The following ZBTB8B variants were observed in gnomAD, a reference collection of about 807,000 sequenced individuals.
ZBTB8B encodes the protein zinc finger and BTB domain containing 8B, also known as zinc finger and BTB domain-containing protein 8B.
ZBTB8B carries 17 observed loss-of-function variants against 30.3 expected under a neutral mutation model. That is an observed-to-expected ratio of 0.56 (90% CI 0.38 to 0.84). ZBTB8B has a LOEUF of 0.84. Ranked by LOEUF, ZBTB8B falls within the 40% of genes least tolerant of loss-of-function variation. The pLI, the probability that ZBTB8B is intolerant of heterozygous loss-of-function variation, is 0.00. For synonymous variants in ZBTB8B, 248 were observed against 255.6 expected (o/e 0.97, Z 0.28); for missense variants, 515 against 644.9 (o/e 0.80, Z 2.18).
chr1:32,482,195 T>C (rs1472685810), intron 3 of ZBTB8B, among the ~76,000 whole-genome samples: 1 of 151,984 alleles, frequency 6.6e-6, no homozygotes, highest in Non-Finnish European at 1.5e-5. Context: ...GACAGGGTTT[T>C]TCCAGGTTGC....
chr1:32,491,783 A>G lies in ZBTB8B; in HGVS notation c.*6365A>G, dbSNP rs866855718. The stretch of plus-strand genomic sequence containing the variant: ...AGATGCAGTTTACCAATTGGGCATC[A>G]TGTCTACCATATGTAACATTGCCTA... On this transcript the variant is annotated 3_prime_UTR_variant, in exon 4 of 4. Transcript: ENST00000609129. The G allele has an allele frequency of 2.0e-5, 3 of 152,344 alleles. No individual in the cohort carries two copies. Among genetic ancestry groups the G allele is most frequent in the Middle Eastern group, 3.4e-3 (1 of 294 alleles). The allele number at this position is 152,344 out of a possible 1,614,324, so 9.4% of individuals were successfully genotyped here.
chr1:32,477,870 A>G (rs896918135), intron 2 of ZBTB8B, among the ~76,000 whole-genome samples: 33 of 152,070 alleles, frequency 2.2e-4, no homozygotes, highest in African/African-American at 6.3e-4. Context: ...CAGCCTGACC[A>G]ACATGGTGAA....
chr1:32,469,027 CA>C (rs1189225776), intron 1 of ZBTB8B, among the ~76,000 whole-genome samples: 6 of 151,096 alleles, frequency 4.0e-5, no homozygotes, highest in African/African-American at 9.7e-5. Context: ...GCCATCTCTA[CA>C]AAAAAAAATT....
rs12049448 is a variant in ZBTB8B at position 32,483,416 on chromosome 1, C to G, written c.1171-1685C>G. Among the ~76,000 whole-genome samples the G allele has an allele frequency of 3.2e-3, 485 of 151,586 alleles. 6 individuals carry two copies. The East Asian group carries it at 0.044, about 14-fold the overall frequency. On this transcript the variant is annotated intron_variant, in intron 3 of 3. Coordinates refer to ENST00000609129, the MANE Select transcript of ZBTB8B (RefSeq NM_001145720.2). Reference sequence around the variant, plus strand: ...CTCCAGCTTGGGCAACAGAGCAAGACGGCGTCTCAAAAAAAACAAAACAAA... The same window carrying G: ...CTCCAGCTTGGGCAACAGAGCAAGAGGGCGTCTCAAAAAAAACAAAACAAA...
At position 32,468,642 on chromosome 1, in the gene ZBTB8B, G is replaced by C. The variant is rs114234884; in HGVS notation, c.-41-1942G>C. ...ATACTTCAGTATAATGATGATAAAG[G>C]GAGACCAGTCTTGTTCGTGACCAGC... is the stretch of plus-strand genomic sequence containing the variant. On this transcript the variant is annotated intron_variant, in intron 1 of 3. Transcript: ENST00000609129. Among the ~76,000 whole-genome samples the C allele has an allele frequency of 7.1e-3, 1,074 of 152,116 alleles. 14 individuals carry two copies. Among genetic ancestry groups the C allele is most frequent in the African/African-American group, 0.025 (1,040 of 41,500 alleles).
intron 2 of ZBTB8B, among the ~76,000 whole-genome samples, chr1:32,480,549 A>G (rs75947666): frequency 0.01 from 1,546 of 152,250 alleles, 28 homozygotes; most frequent in African/African-American, 0.035. Context: ...CAGGGTGAGT[A>G]TTGTTTTGGG....
At chr1:32,473,161 C>A (rs1643636667) in intron 2 of ZBTB8B, among the ~76,000 whole-genome samples, 1 of 152,214 alleles carries the variant, frequency 6.6e-6, no homozygotes, top group South Asian at 2.1e-4. Context: ...TAAGCCAAGG[C>A]TGGGCGCGGC....
intron 3 of ZBTB8B, among the ~76,000 whole-genome samples, chr1:32,483,885 C>T: frequency 6.6e-6 from 1 of 150,578 alleles, no homozygotes; most frequent in East Asian, 2.0e-4. Flanking sequence ...GGCAACATAG[C>T]AAGATAGCAA....
In ZBTB8B at chr1:32,491,590, C is replaced by T. The variant is rs1039907629; in HGVS notation, c.*6172C>T. ...CTACATGGGGCAAGTATGGAAGCTT[C>T]CCCGGCTTAAGAGCCCCTTGTCCCA... On this transcript the variant is annotated 3_prime_UTR_variant, in exon 4 of 4. Coordinates refer to ENST00000609129, the MANE Select transcript of ZBTB8B (RefSeq NM_001145720.2). 6.6e-6 allele frequency: 1 copy of T among 152,204 alleles called. No homozygotes were observed. Among genetic ancestry groups the T allele is most frequent in the East Asian group, 1.9e-4 (1 of 5,204 alleles). 9.4% of individuals were successfully genotyped at this position (152,204 alleles called of 1,614,324 possible).
intron 2 of ZBTB8B, among the ~76,000 whole-genome samples, chr1:32,473,179 G>A (rs973040049): frequency 3.3e-5 from 5 of 152,148 alleles, no homozygotes; most frequent in African/African-American, 7.2e-5. Context: ...GGCGGCACGC[G>A]CCTGTAATCC....
intron 2 of ZBTB8B, among the ~76,000 whole-genome samples, chr1:32,471,901 TATC>T (rs1474084490): frequency 6.7e-6 from 1 of 150,058 alleles, no homozygotes; most frequent in African/African-American, 2.5e-5. Context: ...TCATCATCAC[TATC>T]ATCATCACCA....
intron 3 of ZBTB8B, among the ~76,000 whole-genome samples, chr1:32,482,466 A>G (rs532831594): frequency 5.9e-5 from 9 of 151,958 alleles, no homozygotes; most frequent in East Asian, 5.8e-4. Flanking sequence ...AGATCAAGAG[A>G]TGGAGACCAT....
chr1:32,485,363 C>G lies in ZBTB8B; in HGVS notation c.1433C>G (p.Ser478Cys), dbSNP rs1043273409. ...GEENDPAGDD[S>C]DDKPQIQPNL... Reference sequence around the variant, plus strand: ...GAAAATGACCCTGCTGGAGATGATTCTGATGACAAACCACAAATTCAGCCT... The same window carrying G: ...GAAAATGACCCTGCTGGAGATGATTGTGATGACAAACCACAAATTCAGCCT... The change falls in exon 4 of 4, where the codon TCT becomes TGT. Residue 478 changes from serine (S) to cysteine (C), a missense_variant. Physicochemically the swap from Ser to Cys is moderately radical, Grantham distance 112 (BLOSUM62 -1). Transcript: ENST00000609129. 3 of 1,552,080 alleles carry G rather than the reference C, an allele frequency of 1.9e-6. No homozygotes were observed. In the African/African-American group the frequency reaches 4.1e-5, roughly 21 times the overall value.
At chr1:32,468,224 C>T (rs1374945982) in intron 1 of ZBTB8B, among the ~76,000 whole-genome samples, 1 of 152,116 alleles carries the variant, frequency 6.6e-6, no homozygotes, top group East Asian at 1.9e-4. Flanking sequence ...GTTGGGGCTC[C>T]AATGTTGTCC....
Position 32,484,965 on chromosome 1 carries a change from G to A in ZBTB8B, c.1171-136G>A. 1 of 748,904 alleles carries A rather than the reference G, an allele frequency of 1.3e-6. No homozygotes were observed. Among genetic ancestry groups the A allele is most frequent in the Non-Finnish European group, 2.2e-6 (1 of 455,166 alleles). 46.4% of individuals were successfully genotyped at this position (748,904 alleles called of 1,614,324 possible). A position where few individuals can be genotyped will look rare whatever the true frequency, so the allele number is the denominator to read the frequency against. On this transcript the variant is annotated intron_variant, in intron 3 of 3. Transcript: ENST00000609129. The surrounding 1 kb of genome is among the most constrained non-coding windows in gnomAD (Gnocchi z 4.5). ...CAGTGCAAGAACAGACTAATACAAA[G>A]ACTGTGGCAGAGAATGCAGGTGGAG...
rs1231019859 is a variant in ZBTB8B at position 32,495,608 on chromosome 1, G to A, written c.*10190G>A. The A allele has an allele frequency of 4.6e-5, 7 of 152,040 alleles. No individual in the cohort carries two copies. Among genetic ancestry groups the A allele is most frequent in the South Asian group, 2.1e-4 (1 of 4,816 alleles). The allele number at this position is 152,040 out of a possible 1,614,324, so 9.4% of individuals were successfully genotyped here. ...TTCCTCTGTTGCTCATTTTGTCCTC[G>A]GAAACAAATACAATTTAACTATTTT... On this transcript the variant is annotated 3_prime_UTR_variant, in exon 4 of 4. Coordinates refer to ENST00000609129, the MANE Select transcript of ZBTB8B (RefSeq NM_001145720.2).
At chr1:32,474,646 G>A (rs186187844) in intron 2 of ZBTB8B, among the ~76,000 whole-genome samples, 103 of 152,288 alleles carry the variant, frequency 6.8e-4, no homozygotes, top group East Asian at 1.7e-3. Flanking sequence ...TGAACACACC[G>A]TGGGAACTTG....
rs1247375491 is a variant in ZBTB8B at position 32,471,041 on chromosome 1, G to GGCGGCA, written c.423_428dup (p.Ala152_Ala153dup). On this transcript the variant is annotated inframe_insertion, in exon 2 of 4. Transcript: ENST00000609129. ...AGGCTGCTGTGGCTGCAGCAGTGGCGGCGGCAGCGGCGGCGGCTGCAGCGG... is the reference window on the plus strand; with the variant it reads ...AGGCTGCTGTGGCTGCAGCAGTGGCGGCGGCAGCGGCAGCGGCGGCGGCTGCAGCGG... 11 of 1,549,890 alleles carry GGCGGCA rather than the reference G, an allele frequency of 7.1e-6. No homozygotes were observed. Among genetic ancestry groups the GGCGGCA allele is most frequent in the Admixed American group, 2.0e-5 (1 of 50,914 alleles).
intron 2 of ZBTB8B, among the ~76,000 whole-genome samples, chr1:32,473,654 G>A (rs1429526585): frequency 1.3e-5 from 2 of 151,086 alleles, no homozygotes; most frequent in East Asian, 3.9e-4. Context: ...CTGTGATTAC[G>A]GGCATACACC....
Sources: gnomAD v4.1 joint callset for allele counts (sites outside exome capture counted in the v4.1 genomes callset) on GRCh38, gnomAD v4.1.1 for gene constraint, Gnocchi (gnomAD v3.1) non-coding constraint, MANE v1.5 for transcripts, NCBI Gene and HGNC (gene_info 2026-07-23, HGNC 2026-07-21) for gene names.